MDGA2: variants seen among roughly 807,000 people sequenced by gnomAD.
The protein encoded by MDGA2 is MAM domain containing glycosylphosphatidylinositol anchor 2, also known as MAM domain-containing glycosylphosphatidylinositol anchor protein 2.
MDGA2 carries 40 observed loss-of-function variants against 117.8 expected under a neutral mutation model. The ratio of observed to expected loss-of-function variants is 0.34; its 90% CI spans 0.26 to 0.44. The LOEUF is 0.44. Among genes scored for constraint, MDGA2 ranks in the 20% least tolerant of loss-of-function variants. The probability of loss-of-function intolerance (pLI) is 1.00; values close to 1 mark genes in which losing one functional copy is unlikely to be tolerated. For missense variants in MDGA2, 1,123 were observed against 1,250.6 expected, an observed-to-expected ratio of 0.90 and a Z score of 1.54; for synonymous variants, 452 against 439.0, an observed-to-expected ratio of 1.03 and a Z score of -0.37.
At chr14:47,315,361 A>G (rs1023243040) in intron 1 of MDGA2, among the ~76,000 whole-genome samples, 1 of 152,090 alleles carries the variant, frequency 6.6e-6, no homozygotes, top group Non-Finnish European at 1.5e-5. Flanking sequence ...TCTTTGCCCT[A>G]CCAAGTCTGC....
At chr14:47,484,573 A>G (rs553023004) in intron 1 of MDGA2, among the ~76,000 whole-genome samples, 2 of 152,264 alleles carry the variant, frequency 1.3e-5, no homozygotes, top group East Asian at 3.9e-4. Context: ...TGCAAAATTC[A>G]TGGAGATTTC....
At chr14:46,844,893 T>A (rs1372330059) in intron 16 of MDGA2, among the ~76,000 whole-genome samples, 1 of 152,084 alleles carries the variant, frequency 6.6e-6, no homozygotes, top group African/African-American at 2.4e-5. Context: ...ATTATTATTA[T>A]GTTTTTGAGA....
chr14:47,188,266 G>A (rs1371417167), intron 3 of MDGA2, among the ~76,000 whole-genome samples: 1 of 152,154 alleles, frequency 6.6e-6, no homozygotes, highest in African/African-American at 2.4e-5. Context: ...AGAAGTGATA[G>A]AATTTCACCT....
At chr14:46,845,260 C>A (rs1031171458) in intron 16 of MDGA2, among the ~76,000 whole-genome samples, 2 of 152,188 alleles carry the variant, frequency 1.3e-5, no homozygotes, top group Admixed American at 1.3e-4. Flanking sequence ...AGGTACTCTG[C>A]TTCCCCTTCA....
At chr14:47,194,137 T>C (rs1184910693) in intron 3 of MDGA2, among the ~76,000 whole-genome samples, 2 of 152,176 alleles carry the variant, frequency 1.3e-5, no homozygotes, top group Non-Finnish European at 2.9e-5. Context: ...AATAATAGTG[T>C]TGAAATTTAA....
chr14:47,152,251 G>A (rs941030850), intron 3 of MDGA2, among the ~76,000 whole-genome samples: 2 of 152,136 alleles, frequency 1.3e-5, no homozygotes, highest in Admixed American at 1.3e-4. Flanking sequence ...CTTTTCCATG[G>A]TTTTTCTTTG....
chr14:47,068,296 C>G (rs17117999), intron 6 of MDGA2, among the ~76,000 whole-genome samples: 49,498 of 151,208 alleles, frequency 0.33, 8,651 homozygotes, highest in East Asian at 0.53. Context: ...ACAATGTACT[C>G]TTTTTGGGGT....
intron 1 of MDGA2, among the ~76,000 whole-genome samples, chr14:47,394,149 A>G (rs2138444264): frequency 6.6e-6 from 1 of 152,298 alleles, no homozygotes; most frequent in Admixed American, 6.5e-5. Flanking sequence ...TAAAAATGCT[A>G]CACATTTGTT....
intron 7 of MDGA2, among the ~76,000 whole-genome samples, chr14:47,045,995 G>T (rs1421590578): frequency 6.7e-6 from 1 of 149,024 alleles, no homozygotes. Flanking sequence ...ACACACCGGG[G>T]ACTGTTGTGG....
chr14:46,841,998 C>T lies in MDGA2; in HGVS notation c.3011G>A (p.Gly1004Glu). 4 of 1,610,746 alleles carry T rather than the reference C, an allele frequency of 2.5e-6. No individual in the cohort carries two copies. The highest frequency in any genetic ancestry group is 3.4e-6 in the Non-Finnish European group (4 of 1,177,858). Residue 1004 changes from glycine (G) to glutamate (E), a missense_variant, in exon 17 of 17, where the codon GGG becomes GAG. Physicochemically the swap from Gly to Glu is moderately conservative, Grantham distance 98. Transcript: ENST00000399232. Reference sequence around the variant, plus strand: ...AAAAAGCCATATATGAACCAAAATCCCAACAGCACCATCAACGGAATCTAA... The same window carrying T: ...AAAAAGCCATATATGAACCAAAATCTCAACAGCACCATCAACGGAATCTAA... ...ATKNSVDGAV[G>E]ILVHIWLFPI...
intron 1 of MDGA2, among the ~76,000 whole-genome samples, chr14:47,303,001 G>A (rs72682197): frequency 0.09 from 13,609 of 152,030 alleles, 743 homozygotes; most frequent in Non-Finnish European, 0.11. Flanking sequence ...TCAAAATGAT[G>A]GGTAAAAGTT....
chr14:46,985,324 A>G (rs1347931714), intron 8 of MDGA2, among the ~76,000 whole-genome samples: 44 of 152,044 alleles, frequency 2.9e-4, no homozygotes, highest in Non-Finnish European at 1.0e-4. Flanking sequence ...TTCTACTACT[A>G]ATTTGTTTCA....
intron 1 of MDGA2, among the ~76,000 whole-genome samples, chr14:47,317,836 TC>T (rs1889854974): frequency 1.3e-5 from 2 of 152,098 alleles, no homozygotes; most frequent in African/African-American, 2.4e-5. Flanking sequence ...CTTTGCCCTG[TC>T]TTCTAGGCCC....
intron 2 of MDGA2, 118 bp downstream of exon 2, chr14:47,301,291 CCA>C (rs1347902322): frequency 4.6e-6 from 4 of 869,800 alleles, no homozygotes; most frequent in Non-Finnish European, 6.4e-6. Flanking sequence ...ACACCCACAC[CCA>C]CCCACACACA....
At chr14:47,015,815 T>C (rs970938889) in intron 8 of MDGA2, among the ~76,000 whole-genome samples, 2 of 151,692 alleles carry the variant, frequency 1.3e-5, no homozygotes, top group African/African-American at 4.8e-5. Flanking sequence ...ACTGATAAAA[T>C]TAGAGAGGAG....
chr14:47,225,474 T>C (rs998614490), intron 2 of MDGA2, among the ~76,000 whole-genome samples: 1 of 151,974 alleles, frequency 6.6e-6, no homozygotes, highest in Non-Finnish European at 1.5e-5. Flanking sequence ...CGGAATACTA[T>C]GCAGCCATAA....
chr14:47,523,433 C>T (rs1048109179), intron 1 of MDGA2, among the ~76,000 whole-genome samples: 4 of 151,600 alleles, frequency 2.6e-5, no homozygotes, highest in Admixed American at 6.6e-5. Flanking sequence ...TGGAGAATGC[C>T]CTTAGTTCTA....
At chr14:47,209,572 C>G (rs1885809168) in intron 3 of MDGA2, among the ~76,000 whole-genome samples, 1 of 152,170 alleles carries the variant, frequency 6.6e-6, no homozygotes, top group Admixed American at 6.6e-5. Flanking sequence ...TAGGACTAAA[C>G]TGATTTAAAA....
intron 1 of MDGA2, among the ~76,000 whole-genome samples, chr14:47,508,710 C>T (rs1894573874): frequency 6.6e-6 from 1 of 152,048 alleles, no homozygotes. Flanking sequence ...GACAGAGTCT[C>T]ACACTGTCGC....
Sources: allele counts gnomAD v4.1 joint callset (sites outside exome capture counted in the v4.1 genomes callset), GRCh38; gene constraint gnomAD v4.1.1; transcripts MANE v1.5; gene names NCBI Gene and HGNC (gene_info 2026-07-23, HGNC 2026-07-21).